Variants in DPF2 observed in about 807,000 individuals in gnomAD.
DPF2 encodes the protein zinc finger protein ubi-d4.
In DPF2, 10 loss-of-function variants were observed where a neutral mutation model predicts 59.6. The ratio of observed to expected loss-of-function variants is 0.17; its 90% CI spans 0.10 to 0.28. The LOEUF (loss-of-function observed/expected upper bound fraction) is 0.28, where lower values mean the gene tolerates loss of function less well. Among genes scored for constraint, DPF2 ranks in the 10% least tolerant of loss-of-function variants. DPF2 has a pLI of 1.00. For missense variants in DPF2, 315 were observed against 509.4 expected (o/e 0.62, Z 3.67); for synonymous variants, 189 against 190.6 (o/e 0.99, Z 0.07).
chr11:65,348,735 T>C, intron 9 of DPF2, 115 bp from the exon 10 acceptor site: 4 of 923,962 alleles, frequency 4.3e-6, no homozygotes, highest in Non-Finnish European at 5.0e-6. Flanking sequence ...CCACATAAGA[T>C]TCTCACATCT....
chr11:65,342,993 C>CAA (rs755354439), intron 4 of DPF2, among the ~76,000 whole-genome samples: 55 of 94,204 alleles, frequency 5.8e-4, no homozygotes, highest in African/African-American at 1.6e-3. Flanking sequence ...GACTCCATCT[C>CAA]AAAAAAAAAA....
rs762631984 is a variant in DPF2, at chr11:65,344,089, G to A, written c.637+20G>A. On this transcript the variant is annotated intron_variant, in intron 6 of 10. Transcript: ENST00000528416. ...GTGACAGTGAGTGCCTCACAAGTGGGTGGGTAGACCTTGCCTTGGACCCAG... is the reference window on the plus strand; with the variant it reads ...GTGACAGTGAGTGCCTCACAAGTGGATGGGTAGACCTTGCCTTGGACCCAG... The A allele has an allele frequency of 9.3e-6, 15 of 1,613,430 alleles. No individual in the cohort carries two copies. In the South Asian group the frequency reaches 1.3e-4, roughly 14 times the overall value.
At chr11:65,343,349 C>T (rs1254838220) in intron 4 of DPF2, among the ~76,000 whole-genome samples, 1 of 139,458 alleles carries the variant, frequency 7.2e-6, no homozygotes, top group African/African-American at 2.7e-5. Flanking sequence ...CACAAATAAG[C>T]AACAACATTT....
intron 2 of DPF2, 85 bp downstream of exon 2, chr11:65,340,630 G>A (rs1854336140): frequency 1.3e-6 from 2 of 1,549,170 alleles, no homozygotes; most frequent in Admixed American, 3.8e-5. Flanking sequence ...ACAGTTGATA[G>A]GGTTTTCCCT....
intron 1 of DPF2, 139 bp from the exon 2 acceptor site, chr11:65,340,246 G>A (rs1215694001): frequency 1.1e-6 from 1 of 934,674 alleles, no homozygotes; most frequent in Non-Finnish European, 1.6e-6. Context: ...TGAGGCAGAA[G>A]TGGAGGCAAA....
In DPF2 at chr11:65,340,505, C is replaced by T; in HGVS notation, c.153C>T (p.Ser51=). 1.9e-6 allele frequency: 3 copies of T among 1,614,074 alleles called. No homozygotes were observed. Among genetic ancestry groups the T allele is most frequent in the Non-Finnish European group, 2.5e-6 (3 of 1,179,992 alleles). ...FLDSQTGVAQ[S]NCYIWMEKRH... ...ACTCACAGACCGGAGTAGCCCAGAG[C>T]AATTGTTACATCTGGATGGAAAAGC... is the stretch of plus-strand genomic sequence containing the variant. Residue 51 remains serine, a synonymous_variant, in exon 2 of 11, where the codon AGC becomes AGT. Coordinates refer to ENST00000528416, the MANE Select transcript of DPF2 (RefSeq NM_006268.5).
In DPF2 at chr11:65,351,869, C is replaced by A; in HGVS notation, c.*110C>A. 7.7e-7 allele frequency: 1 copy of A among 1,301,114 alleles called. No homozygotes were observed. Among genetic ancestry groups the A allele is most frequent in the Non-Finnish European group, 1.1e-6 (1 of 930,292 alleles). The allele number at this position is 1,301,114 out of a possible 1,614,324, so 80.6% of individuals were successfully genotyped here. A position where few individuals can be genotyped will look rare whatever the true frequency, so the allele number is the denominator to read the frequency against. On this transcript the variant is annotated 3_prime_UTR_variant, in exon 11 of 11. Coordinates refer to ENST00000528416, the MANE Select transcript of DPF2 (RefSeq NM_006268.5). ...TCCTCTCCTTCACAAATCCAGAGAACCTTGGGGTGGTTGTGCCAGCCTGCC... is the reference window on the plus strand; with the variant it reads ...TCCTCTCCTTCACAAATCCAGAGAAACTTGGGGTGGTTGTGCCAGCCTGCC...
chr11:65,337,452 CAAAAAAAAA>C (rs750931920), intron 1 of DPF2, among the ~76,000 whole-genome samples: 18 of 13,534 alleles, frequency 1.3e-3, no homozygotes, highest in African/African-American at 4.6e-3. Flanking sequence ...GACTCTATCT[CAAAAAAAAA>C]AAAAAAAAAA....
intron 5 of DPF2, 34 bp downstream of exon 5, chr11:65,343,871 CAG>C: frequency 6.3e-7 from 1 of 1,583,284 alleles, no homozygotes; most frequent in East Asian, 2.3e-5. Context: ...CATCTTGGGA[CAG>C]GGTGGCCTAG....
chr11:65,351,822 A>T lies in DPF2; in HGVS notation c.*63A>T. On this transcript the variant is annotated 3_prime_UTR_variant, in exon 11 of 11. Transcript: ENST00000528416. ...GTTTCTCTCCTCCACTTCATATTTC[A>T]TACCCATCTTTCCCTTCTTCCTCCT... 6.5e-7 allele frequency: 1 copy of T among 1,536,264 alleles called. No homozygotes were observed. Among genetic ancestry groups the T allele is most frequent in the Non-Finnish European group, 9.0e-7 (1 of 1,111,748 alleles).
chr11:65,336,527 C>T (rs113775426), intron 1 of DPF2, among the ~76,000 whole-genome samples: 4 of 151,776 alleles, frequency 2.6e-5, no homozygotes, highest in African/African-American at 7.3e-5. Flanking sequence ...CGCGGTGGCT[C>T]ATGCCTGTAA....
intron 9 of DPF2, chr11:65,347,997 A>G (rs1259151069): frequency 6.6e-6 from 1 of 152,210 alleles, no homozygotes; most frequent in Non-Finnish European, 1.5e-5. Context: ...TGGAGGGTAG[A>G]CTGTAGGGAC....
chr11:65,337,476 T>A (rs370081510), intron 1 of DPF2, among the ~76,000 whole-genome samples: 2,471 of 28,578 alleles, frequency 0.086, 93 homozygotes, highest in Admixed American at 0.11. Flanking sequence ...AAAAAAAAAA[T>A]ATATATATAT....
chr11:65,339,376 C>T (rs1044065838), intron 1 of DPF2, among the ~76,000 whole-genome samples: 9 of 152,158 alleles, frequency 5.9e-5, no homozygotes, highest in African/African-American at 2.2e-4. Context: ...CCAGATAACT[C>T]CTGGCACTGT....
Position 65,344,071 on chromosome 11 carries a change from T to A in DPF2, c.637+2T>A. 1 of 1,614,106 alleles carries A rather than the reference T, an allele frequency of 6.2e-7. No individual in the cohort carries two copies. Reference sequence around the variant, plus strand: ...GGGATAAGCCCTATGCCTGTGACAGTGAGTGCCTCACAAGTGGGTGGGTAG... The same window carrying A: ...GGGATAAGCCCTATGCCTGTGACAGAGAGTGCCTCACAAGTGGGTGGGTAG... On this transcript the variant is annotated splice_donor_variant, in intron 6 of 10. Coordinates refer to ENST00000528416, the MANE Select transcript of DPF2 (RefSeq NM_006268.5). LOFTEE classifies it high-confidence loss of function.
chr11:65,345,916 CT>C lies in DPF2; in HGVS notation c.776-11del. 6.2e-7 allele frequency: 1 copy of C among 1,614,034 alleles called. No individual in the cohort carries two copies. Among genetic ancestry groups the C allele is most frequent in the African/African-American group, 1.3e-5 (1 of 75,040 alleles). ...GACCCCCATGGGTGTCATCAAAACTCTTTCTCTCTGTAGCCAAAAAGGGTCC... is the reference window on the plus strand; with the variant it reads ...GACCCCCATGGGTGTCATCAAAACTCTTCTCTCTGTAGCCAAAAAGGGTCC... On this transcript the variant is annotated splice_polypyrimidine_tract_variant and intron_variant, in intron 7 of 10. Transcript: ENST00000528416.
intron 1 of DPF2, among the ~76,000 whole-genome samples, chr11:65,337,527 A>AGG (rs1854227197): frequency 2.9e-5 from 4 of 137,092 alleles, no homozygotes; most frequent in African/African-American, 5.3e-5. Context: ...AGAGAGAGAG[A>AGG]GAGAGAGAGA....
chr11:65,333,853 G>A lies in DPF2; in HGVS notation c.-34G>A. The A allele has an allele frequency of 6.2e-7, 1 of 1,613,460 alleles. No individual in the cohort carries two copies. The highest frequency in any genetic ancestry group is 1.3e-5 in the African/African-American group (1 of 75,070). ...CGGCGCCTGCGCGCTGCGGACTGTG[G>A]GGCTTCTCGGCCCGAGGCAGAGGAA... On this transcript the variant is annotated 5_prime_UTR_variant, in exon 1 of 11. Coordinates refer to ENST00000528416, the MANE Select transcript of DPF2 (RefSeq NM_006268.5).
chr11:65,345,584 T>G, intron 6 of DPF2, 82 bp from the exon 7 acceptor site: 2 of 1,573,568 alleles, frequency 1.3e-6, no homozygotes, highest in South Asian at 1.2e-5. Flanking sequence ...CTGCCTCAGG[T>G]GGAGCCCCCA....
Sources: gnomAD v4.1 joint callset for allele counts (sites outside exome capture counted in the v4.1 genomes callset) on GRCh38, gnomAD v4.1.1 for gene constraint, MANE v1.5 for transcripts, NCBI Gene and HGNC (gene_info 2026-07-23, HGNC 2026-07-21) for gene names.